Variants in MAPKAP1 observed in about 807,000 individuals in gnomAD.
MAPKAP1 encodes MAPK associated protein 1.
In MAPKAP1, 20 loss-of-function variants were observed where a neutral mutation model predicts 65.7. The ratio of observed to expected loss-of-function variants is 0.30; its 90% CI spans 0.21 to 0.44. The LOEUF (loss-of-function observed/expected upper bound fraction) is 0.44, where lower values mean the gene tolerates loss of function less well. MAPKAP1 is among the 20% of genes least tolerant of loss of function. The pLI is 1.00. For synonymous variants in MAPKAP1, 222 were observed against 244.3 expected (o/e 0.91, Z 0.85); for missense variants, 423 against 648.0 (o/e 0.65, Z 3.77).
At chr9:125,615,002 A>G (rs1354888508) in intron 4 of MAPKAP1, among the ~76,000 whole-genome samples, 3 of 152,204 alleles carry the variant, frequency 2.0e-5, no homozygotes, top group Non-Finnish European at 4.4e-5. Flanking sequence ...CCAACTACAC[A>G]GAAAACCAAA....
At chr9:125,691,204 T>C (rs1835159299) in intron 1 of MAPKAP1, among the ~76,000 whole-genome samples, 1 of 152,054 alleles carries the variant, frequency 6.6e-6, no homozygotes, top group South Asian at 2.1e-4. Context: ...GAGCTTCCAG[T>C]GAGCCGAGAT....
intron 10 of MAPKAP1, 87 bp downstream of exon 10, chr9:125,467,885 T>C: frequency 7.9e-6 from 11 of 1,396,016 alleles, no homozygotes; most frequent in Non-Finnish European, 1.1e-5. Context: ...AAGGACACAG[T>C]GGCAATATAT....
intron 4 of MAPKAP1, among the ~76,000 whole-genome samples, chr9:125,644,373 A>G (rs1273921537): frequency 6.6e-6 from 1 of 152,232 alleles, no homozygotes; most frequent in Non-Finnish European, 1.5e-5. Flanking sequence ...AAAACATGAA[A>G]CAGAAAATTT....
chr9:125,485,596 A>G (rs1472821281), intron 8 of MAPKAP1, among the ~76,000 whole-genome samples: 1 of 152,164 alleles, frequency 6.6e-6, no homozygotes, highest in Admixed American at 6.5e-5. Context: ...AGGCTTTTAT[A>G]ATTCTGGGCC....
rs190991087 is a variant in MAPKAP1 at position 125,598,361 on chromosome 9, A to C, written c.499-12634T>G. On this transcript the variant is annotated intron_variant, in intron 4 of 11. Transcript: ENST00000265960. ...ATTAATTTGTCAAAAACATTTCTAC[A>C]GTTTGTCACTGGACACTGTATTTTC... Among the ~76,000 whole-genome samples the C allele has an allele frequency of 9.2e-5, 14 of 152,316 alleles. No homozygotes were observed. In the East Asian group the frequency reaches 2.7e-3, roughly 29 times the overall value.
chr9:125,686,489 G>A (rs956933503), intron 1 of MAPKAP1, among the ~76,000 whole-genome samples: 1 of 152,178 alleles, frequency 6.6e-6, no homozygotes, highest in Non-Finnish European at 1.5e-5. Flanking sequence ...CTGTTAAATA[G>A]CATGGCTGAA....
At chr9:125,464,575 G>A (rs1207590862) in intron 10 of MAPKAP1, among the ~76,000 whole-genome samples, 1 of 151,942 alleles carries the variant, frequency 6.6e-6, no homozygotes, top group African/African-American at 2.4e-5. Context: ...CAATTTTTTA[G>A]GCATGTATCT....
chr9:125,479,378 G>A (rs1184065300), intron 9 of MAPKAP1, among the ~76,000 whole-genome samples: 1 of 152,156 alleles, frequency 6.6e-6, no homozygotes, highest in East Asian at 1.9e-4. Context: ...TCAAGAGTTC[G>A]AGACCAGCCT....
At chr9:125,666,535 T>A (rs1834344361) in intron 3 of MAPKAP1, among the ~76,000 whole-genome samples, 1 of 152,164 alleles carries the variant, frequency 6.6e-6, no homozygotes, top group Non-Finnish European at 1.5e-5. Context: ...GGGTATGGTG[T>A]CATGTGCCTG....
chr9:125,514,620 T>C (rs1456242242), intron 7 of MAPKAP1, among the ~76,000 whole-genome samples: 1 of 152,212 alleles, frequency 6.6e-6, no homozygotes, highest in African/African-American at 2.4e-5. Context: ...GCAAGCTTGT[T>C]CAAGGAGGAG....
intron 1 of MAPKAP1, among the ~76,000 whole-genome samples, chr9:125,690,648 T>C (rs1835137994): frequency 6.6e-6 from 1 of 152,248 alleles, no homozygotes; most frequent in Non-Finnish European, 1.5e-5. Flanking sequence ...TTTACTATTA[T>C]TATTGCTATT....
At chr9:125,565,194 CATTGA>C (rs942741867) in intron 5 of MAPKAP1, among the ~76,000 whole-genome samples, 2 of 152,176 alleles carry the variant, frequency 1.3e-5, no homozygotes, top group Non-Finnish European at 2.9e-5. Flanking sequence ...AAATTTATTT[CATTGA>C]ATTGTTTAAC....
At chr9:125,693,904 C>T (rs2131858350) in intron 1 of MAPKAP1, among the ~76,000 whole-genome samples, 1 of 151,372 alleles carries the variant, frequency 6.6e-6, no homozygotes, top group South Asian at 2.1e-4. Context: ...CATAGGGGCT[C>T]ACACCTGTAA....
chr9:125,566,595 A>T (rs926688648), intron 5 of MAPKAP1, among the ~76,000 whole-genome samples: 2 of 141,964 alleles, frequency 1.4e-5, no homozygotes, highest in African/African-American at 5.9e-5. Flanking sequence ...AGAAAAAGAA[A>T]AAGAAAAAAG....
At chr9:125,642,377 G>C (rs1262125328) in intron 4 of MAPKAP1, among the ~76,000 whole-genome samples, 1 of 152,094 alleles carries the variant, frequency 6.6e-6, no homozygotes, top group African/African-American at 2.4e-5. Flanking sequence ...AAAAATTCCA[G>C]GCAGCAGTTT....
chr9:125,643,478 A>AGCCACTGC (rs1833638201), intron 4 of MAPKAP1, among the ~76,000 whole-genome samples: 2 of 152,202 alleles, frequency 1.3e-5, no homozygotes, highest in African/African-American at 2.4e-5. Flanking sequence ...GACAGGTGTG[A>AGCCACTGC]GCCACTGCGC....
chr9:125,671,229 A>G (rs1834488910), intron 2 of MAPKAP1, among the ~76,000 whole-genome samples: 2 of 152,198 alleles, frequency 1.3e-5, no homozygotes, highest in South Asian at 2.1e-4. Context: ...CTCAAATCCT[A>G]TTTTGACAAA....
intron 4 of MAPKAP1, among the ~76,000 whole-genome samples, chr9:125,648,284 T>C (rs1199728133): frequency 6.6e-6 from 1 of 152,138 alleles, no homozygotes; most frequent in East Asian, 1.9e-4. Flanking sequence ...TAGATCACTG[T>C]TCTGTTAGGA....
intron 4 of MAPKAP1, among the ~76,000 whole-genome samples, chr9:125,645,762 C>T (rs895944299): frequency 1.8e-4 from 26 of 147,580 alleles, no homozygotes; most frequent in African/African-American, 5.8e-4. Context: ...AAAAAAAGTA[C>T]CAAGTTTCCT....
Sources: allele counts gnomAD v4.1 joint callset (sites outside exome capture counted in the v4.1 genomes callset), GRCh38; gene constraint gnomAD v4.1.1; transcripts MANE v1.5; gene names NCBI Gene and HGNC (gene_info 2026-07-23, HGNC 2026-07-21).